SYTL5: variants seen among roughly 807,000 people sequenced by gnomAD.
SYTL5 encodes synaptotagmin-like protein 5.
Under a neutral mutation model 55.9 loss-of-function variants are expected in SYTL5, and 34 were observed. The observed-to-expected ratio is 0.61, with a 90% CI of 0.46 to 0.81. The LOEUF (loss-of-function observed/expected upper bound fraction) is 0.81, where lower values mean the gene tolerates loss of function less well. SYTL5 is among the 30% of genes least tolerant of loss of function. SYTL5 has a pLI of 0.00. For synonymous variants in SYTL5, 221 were observed against 188.7 expected (o/e 1.17, Z -1.40); for missense variants, 637 against 546.7 (o/e 1.17, Z -1.65).
At chrX:37,917,263 G>A in the SYTL5 span, among the ~76,000 whole-genome samples, 1 of 111,529 alleles carries the variant, frequency 9.0e-6, no homozygotes, top group Admixed American at 9.5e-5. Flanking sequence ...AAGGAATCAG[G>A]AATTATGTTC....
At chrX:37,904,519 G>T in the SYTL5 span, among the ~76,000 whole-genome samples, 2 of 111,077 alleles carry the variant, frequency 1.8e-5, no homozygotes, top group Non-Finnish European at 1.9e-5. Context: ...GGAAAAAGAT[G>T]GAAAGTAGAG....
intron 3 of SYTL5, among the ~76,000 whole-genome samples, chrX:38,063,548 C>T (rs1173010269): frequency 1.8e-5 from 2 of 111,296 alleles, no homozygotes; most frequent in African/African-American, 3.3e-5. Flanking sequence ...AGAATTAGAA[C>T]ATCTTGTTTT....
At chrX:38,035,788 G>C (rs185641457) in intron 2 of SYTL5, among the ~76,000 whole-genome samples, 1 of 107,288 alleles carries the variant, frequency 9.3e-6, no homozygotes, top group Non-Finnish European at 1.9e-5. Context: ...CCAGCTACTC[G>C]GGAGGCTGAG....
intron 1 of SYTL5, among the ~76,000 whole-genome samples, chrX:38,033,320 G>T (rs751215726): frequency 8.9e-6 from 1 of 111,776 alleles, no homozygotes; most frequent in Admixed American, 9.5e-5. Context: ...AACTGAATTT[G>T]CATAGAGAAC....
At chrX:37,899,263 G>T in the SYTL5 span, among the ~76,000 whole-genome samples, 2 of 110,675 alleles carry the variant, frequency 1.8e-5, no homozygotes, top group Admixed American at 9.7e-5. Context: ...GTGCAGTGGC[G>T]CAATCATAGC....
At chrX:38,084,574 C>T (rs1401243504) in intron 6 of SYTL5, among the ~76,000 whole-genome samples, 7 of 110,935 alleles carry the variant, frequency 6.3e-5, no homozygotes, top group Admixed American at 3.8e-4. Context: ...CATCTGGTGT[C>T]TGCTGCTTGG....
chrX:37,942,445 A>C, the SYTL5 span, among the ~76,000 whole-genome samples: 32 of 111,818 alleles, frequency 2.9e-4, no homozygotes, highest in African/African-American at 1.0e-3. Context: ...ACTGATGAGA[A>C]GAGTTAGTGG....
Position 38,102,339 on chromosome X carries a change from T to C in SYTL5, c.1063-3T>C. The C allele has an allele frequency of 8.4e-7, 1 of 1,186,969 alleles. No individual in the cohort carries two copies. ...CCCACTGATTTTTCCCTTTCTTTTT[T>C]AGGACTCCTTGGAAGAGACTGAAGA... On this transcript the variant is annotated splice_polypyrimidine_tract_variant and splice_region_variant and intron_variant, in intron 9 of 16. Coordinates refer to ENST00000297875, the MANE Select transcript of SYTL5 (RefSeq NM_138780.3).
intron 7 of SYTL5, among the ~76,000 whole-genome samples, chrX:38,091,272 A>G (rs1328447988): frequency 8.9e-6 from 1 of 112,245 alleles, no homozygotes; most frequent in Non-Finnish European, 1.9e-5. Flanking sequence ...GACAGACTGA[A>G]AAACAGTAAT....
At chrX:37,983,241 G>A in the SYTL5 span, among the ~76,000 whole-genome samples, 1 of 111,767 alleles carries the variant, frequency 8.9e-6, no homozygotes, top group African/African-American at 3.2e-5. Flanking sequence ...AAGGCAGTTT[G>A]TCAGGCTGAA....
intron 1 of SYTL5, among the ~76,000 whole-genome samples, chrX:38,009,182 C>T (rs1400401764): frequency 8.9e-6 from 1 of 111,760 alleles, no homozygotes; most frequent in Non-Finnish European, 1.9e-5. Flanking sequence ...TTGGGTTTCC[C>T]TCAAAGGTTT....
the SYTL5 span, among the ~76,000 whole-genome samples, chrX:37,904,263 TC>T: frequency 2.4e-5 from 2 of 82,104 alleles, no homozygotes; most frequent in African/African-American, 9.3e-5. Flanking sequence ...TGTGGGGTGG[TC>T]CGGGGGGGGG....
the SYTL5 span, among the ~76,000 whole-genome samples, chrX:37,983,534 T>C: frequency 5.4e-5 from 6 of 111,942 alleles, no homozygotes; most frequent in Non-Finnish European, 1.1e-4. Flanking sequence ...AAGCAATAAA[T>C]AGACAATTTA....
the SYTL5 span, among the ~76,000 whole-genome samples, chrX:37,904,733 C>A: frequency 3.6e-5 from 4 of 110,997 alleles, no homozygotes; most frequent in East Asian, 8.5e-4. Flanking sequence ...CAACAAAGGG[C>A]GAGTGTTAGG....
chrX:37,895,690 C>T, the SYTL5 span, among the ~76,000 whole-genome samples: 2 of 108,274 alleles, frequency 1.8e-5, no homozygotes, highest in South Asian at 8.2e-4. Context: ...AAGAAAAAAA[C>T]GTAGGAAGGC....
intron 2 of SYTL5, among the ~76,000 whole-genome samples, chrX:38,037,825 G>GATAGATAGATAA (rs1935155341): frequency 1.3e-5 from 1 of 79,946 alleles, no homozygotes; most frequent in South Asian, 4.4e-4. Context: ...TAGATAGATA[G>GATAGATAGATAA]ATAGATAGAT....
chrX:38,088,830 T>C (rs1007177870), intron 6 of SYTL5, among the ~76,000 whole-genome samples: 5 of 112,393 alleles, frequency 4.4e-5, no homozygotes, highest in African/African-American at 1.6e-4. Flanking sequence ...TGGCATGGAC[T>C]CTGTTCCCAA....
chrX:38,004,097 G>T (rs961260457), upstream of SYTL5, among the ~76,000 whole-genome samples: 6 of 111,667 alleles, frequency 5.4e-5, no homozygotes, highest in Non-Finnish European at 9.4e-5. Flanking sequence ...TTAATCCCTT[G>T]TCAGATTGGT....
At chrX:37,901,210 T>C in the SYTL5 span, among the ~76,000 whole-genome samples, 1 of 112,331 alleles carries the variant, frequency 8.9e-6, no homozygotes, top group Admixed American at 9.4e-5. Context: ...CAAGTTCACC[T>C]TACCTTGGGA....
Sources: allele counts gnomAD v4.1 joint callset (sites outside exome capture counted in the v4.1 genomes callset), GRCh38; gene constraint gnomAD v4.1.1; transcripts MANE v1.5; gene names NCBI Gene and HGNC (gene_info 2026-07-23, HGNC 2026-07-21).